ANKS1B: variants seen among roughly 807,000 people sequenced by gnomAD.
The protein encoded by ANKS1B is ankyrin repeat and sterile alpha motif domain containing 1B.
In ANKS1B, 36 loss-of-function variants were observed where a neutral mutation model predicts 148.3. The ratio of observed to expected loss-of-function variants is 0.24; its 90% CI spans 0.19 to 0.32. The LOEUF (loss-of-function observed/expected upper bound fraction) is 0.32. ANKS1B is among the 10% of genes least tolerant of loss of function. The probability of loss-of-function intolerance (pLI) is 1.00; values close to 1 mark genes in which losing one functional copy is unlikely to be tolerated. For missense variants in ANKS1B, 1,157 were observed against 1,542.6 expected (o/e 0.75, Z 4.19); for synonymous variants, 542 against 560.8 (o/e 0.97, Z 0.47).
chr12:99,762,749 T>C (rs1000660685), intron 8 of ANKS1B, among the ~76,000 whole-genome samples: 4 of 151,908 alleles, frequency 2.6e-5, no homozygotes, highest in Non-Finnish European at 5.9e-5. Flanking sequence ...TAGAAAATAT[T>C]CACAATCCAT....
At chr12:98,919,103 A>C (rs937974869) in intron 17 of ANKS1B, among the ~76,000 whole-genome samples, 4 of 152,232 alleles carry the variant, frequency 2.6e-5, no homozygotes, top group Middle Eastern at 3.4e-3. Context: ...TTGCGGAAAA[A>C]AATCTTTTTC....
chr12:99,468,114 G>T (rs2096163963), intron 10 of ANKS1B, among the ~76,000 whole-genome samples: 1 of 151,018 alleles, frequency 6.6e-6, no homozygotes, highest in Non-Finnish European at 1.5e-5. Flanking sequence ...GAACAGAACA[G>T]AGCCCTCAGA....
intron 9 of ANKS1B, among the ~76,000 whole-genome samples, chr12:99,610,170 A>C: frequency 6.6e-6 from 1 of 152,168 alleles, no homozygotes; most frequent in East Asian, 1.9e-4. Flanking sequence ...TAGCCTTCAG[A>C]AATGAAGGCC....
Position 99,683,404 on chromosome 12 carries a change from A to G in ANKS1B, c.1129-28194T>C, listed in dbSNP as rs1393675374. On this transcript the variant is annotated intron_variant, in intron 8 of 26. Transcript: ENST00000683438. ...AGGAGATAGATAAATTCCTGGAAAT[A>G]TACAACCATCCTAGATTAAACCAGG... 2.0e-5 allele frequency among the ~76,000 whole-genome samples: 3 copies of G among 152,174 alleles called. No individual in the cohort carries two copies. The East Asian group carries it at 5.8e-4, about 29-fold the overall frequency.
At chr12:99,499,491 T>G (rs75044655) in intron 10 of ANKS1B, among the ~76,000 whole-genome samples, 1,533 of 152,312 alleles carry the variant, frequency 0.01, 27 homozygotes, top group African/African-American at 0.035. Context: ...AATGTGACTT[T>G]AGTTAACACT....
At chr12:98,775,330 G>A (rs1337405926) in intron 24 of ANKS1B, among the ~76,000 whole-genome samples, 1 of 152,158 alleles carries the variant, frequency 6.6e-6, no homozygotes, top group Non-Finnish European at 1.5e-5. Context: ...TTCCAATGGT[G>A]CACGGCAGCA....
intron 14 of ANKS1B, among the ~76,000 whole-genome samples, chr12:99,240,366 T>C (rs1234060795): frequency 3.9e-5 from 6 of 152,152 alleles, no homozygotes; most frequent in African/African-American, 1.4e-4. Context: ...GAGCTAACTA[T>C]CCTAAATATA....
downstream of ANKS1B, among the ~76,000 whole-genome samples, chr12:98,741,961 A>AATT (rs1483631181): frequency 2.6e-5 from 4 of 152,326 alleles, no homozygotes; most frequent in East Asian, 7.7e-4. Flanking sequence ...GCCAGAGGAC[A>AATT]ATTAAATTGG....
At chr12:98,952,328 C>A (rs2099855296) in intron 17 of ANKS1B, among the ~76,000 whole-genome samples, 1 of 152,214 alleles carries the variant, frequency 6.6e-6, no homozygotes, top group Non-Finnish European at 1.5e-5. Context: ...ACCTTGGCCT[C>A]CTGGGGCCAC....
At chr12:99,558,736 A>T (rs1240536522) in intron 9 of ANKS1B, among the ~76,000 whole-genome samples, 2 of 152,118 alleles carry the variant, frequency 1.3e-5, no homozygotes, top group Non-Finnish European at 2.9e-5. Context: ...ATTGGACTGG[A>T]CCCATCACAT....
At chr12:99,026,883 T>C (rs990251816) in intron 17 of ANKS1B, among the ~76,000 whole-genome samples, 1 of 152,244 alleles carries the variant, frequency 6.6e-6, no homozygotes, top group South Asian at 2.1e-4. Flanking sequence ...AGCTAGGATC[T>C]AACAGTGAAT....
chr12:99,978,529 G>C (rs1268347152), intron 1 of ANKS1B, among the ~76,000 whole-genome samples: 1 of 152,100 alleles, frequency 6.6e-6, no homozygotes, highest in Non-Finnish European at 1.5e-5. Flanking sequence ...CTTGCAACTT[G>C]ACTATTTTTA....
chr12:99,649,510 G>C, intron 9 of ANKS1B: 1 of 790,592 alleles, frequency 1.3e-6, no homozygotes, highest in Non-Finnish European at 2.1e-6. Flanking sequence ...AGTGATGACA[G>C]TAAGCACCAC....
At chr12:99,173,903 C>A (rs574174382) in intron 14 of ANKS1B, among the ~76,000 whole-genome samples, 1 of 152,110 alleles carries the variant, frequency 6.6e-6, no homozygotes, top group East Asian at 1.9e-4. Flanking sequence ...CTGGTGCTGT[C>A]GGTGGCTTCT....
chr12:98,767,542 T>C (rs1348072613), intron 25 of ANKS1B, among the ~76,000 whole-genome samples: 1 of 152,174 alleles, frequency 6.6e-6, no homozygotes, highest in African/African-American at 2.4e-5. Flanking sequence ...AAAATGAGCA[T>C]GGTTAAAAAT....
chr12:99,226,035 T>G (rs1379962208), intron 14 of ANKS1B, among the ~76,000 whole-genome samples: 6 of 152,216 alleles, frequency 3.9e-5, no homozygotes, highest in African/African-American at 1.4e-4. Flanking sequence ...CAATGGATTT[T>G]TATTTTACTG....
At chr12:98,940,177 C>G (rs2099834373) in intron 17 of ANKS1B, among the ~76,000 whole-genome samples, 1 of 152,214 alleles carries the variant, frequency 6.6e-6, no homozygotes, top group Non-Finnish European at 1.5e-5. Flanking sequence ...CCACTCCAGG[C>G]AGGTGTCCCT....
At chr12:99,251,401 C>T (rs1470339939) in intron 12 of ANKS1B, among the ~76,000 whole-genome samples, 1 of 152,092 alleles carries the variant, frequency 6.6e-6, no homozygotes, top group African/African-American at 2.4e-5. Flanking sequence ...AAAAAGTATA[C>T]TTTGGAAAGA....
chr12:99,715,583 C>T (rs756281730), intron 8 of ANKS1B, among the ~76,000 whole-genome samples: 3 of 152,130 alleles, frequency 2.0e-5, no homozygotes, highest in East Asian at 1.9e-4. Flanking sequence ...CACACGGATG[C>T]GCATGAAATT....
Sources: gnomAD v4.1 joint callset for allele counts (sites outside exome capture counted in the v4.1 genomes callset) on GRCh38, gnomAD v4.1.1 for gene constraint, MANE v1.5 for transcripts, NCBI Gene and HGNC (gene_info 2026-07-23, HGNC 2026-07-21) for gene names.